The following REELD1 variants were observed in gnomAD, a reference collection of about 807,000 sequenced individuals.
REELD1 encodes reeler domain containing 1, also known as reelin domain-containing protein 1.
Under a neutral mutation model 6.3 loss-of-function variants are expected in REELD1, and 12 were observed. That is an observed-to-expected ratio of 1.89 (90% CI 1.21 to 3.07). REELD1 has a LOEUF of 3.07. REELD1 is among the 30% of genes most tolerant of loss of function. The pLI is 0.00. For missense variants in REELD1, 163 were observed against 86.8 expected, an observed-to-expected ratio of 1.88 and a Z score of -3.49; for synonymous variants, 57 against 33.6, an observed-to-expected ratio of 1.70 and a Z score of -2.42.
At chr4:146,215,581 A>C (rs1397392351) in intron 2 of REELD1, among the ~76,000 whole-genome samples, 6 of 150,894 alleles carry the variant, frequency 4.0e-5, no homozygotes, top group Non-Finnish European at 8.8e-5. Flanking sequence ...TATTGTTCTG[A>C]TAGCTAGTTT....
chr4:146,217,463 C>T (rs763263596), intron 3 of REELD1, among the ~76,000 whole-genome samples: 5 of 152,140 alleles, frequency 3.3e-5, no homozygotes, highest in Non-Finnish European at 2.9e-5. Flanking sequence ...AGTCTGGTCT[C>T]GAGCTCCTGG....
chr4:146,224,983 G>A (rs1410307049), intron 5 of REELD1, among the ~76,000 whole-genome samples: 3 of 152,194 alleles, frequency 2.0e-5, no homozygotes, highest in Admixed American at 2.0e-4. Flanking sequence ...TACGCAGGGA[G>A]CACAAAAAAG....
chr4:146,214,867 C>T (rs1407944501), intron 1 of REELD1, among the ~76,000 whole-genome samples, 173 bp downstream of exon 1: 1 of 151,838 alleles, frequency 6.6e-6, no homozygotes, highest in East Asian at 1.9e-4. Context: ...TTTCAGGGTT[C>T]AGGTAGACAA....
In REELD1 at chr4:146,228,205, C is replaced by T; in HGVS notation, c.596-5C>T. 1 of 700,620 alleles carries T rather than the reference C, an allele frequency of 1.4e-6. No individual in the cohort carries two copies. The highest frequency in any genetic ancestry group is 2.6e-6 in the Non-Finnish European group (1 of 383,864). The allele number at this position is 700,620 out of a possible 1,614,324, so 43.4% of individuals were successfully genotyped here. ...ACTCTGCGCTGTCTTTGGACCTCTG[C>T]TTAGCTCCCAGGACCCCCATCACTC... On this transcript the variant is annotated splice_region_variant and splice_polypyrimidine_tract_variant and intron_variant, in intron 5 of 7. Transcript: ENST00000623665.
chr4:146,222,171 C>T (rs1730935567), intron 3 of REELD1, among the ~76,000 whole-genome samples, 186 bp from the exon 4 acceptor site: 1 of 151,962 alleles, frequency 6.6e-6, no homozygotes, highest in Non-Finnish European at 1.5e-5. Flanking sequence ...ATTTCATTTT[C>T]GCATAACTTT....
chr4:146,231,742 A>G lies in REELD1; in HGVS notation c.*1229A>G, dbSNP rs1451356088. 6.6e-6 allele frequency: 1 copy of G among 152,204 alleles called. No homozygotes were observed. Among genetic ancestry groups the G allele is most frequent in the Non-Finnish European group, 1.5e-5 (1 of 68,036 alleles). The allele number at this position is 152,204 out of a possible 1,614,324, so 9.4% of individuals were successfully genotyped here. The stretch of plus-strand genomic sequence containing the variant: ...TGAGGAATAAGTTCAGTAGCTTTCC[A>G]AGGAGAATGAGGCTTTCCTTATACC... On this transcript the variant is annotated 3_prime_UTR_variant, in exon 8 of 8. Coordinates refer to ENST00000623665, the MANE Select transcript of REELD1 (RefSeq NM_001354631.1).
intron 7 of REELD1, among the ~76,000 whole-genome samples, chr4:146,229,527 C>T (rs1731088013): frequency 6.6e-6 from 1 of 152,134 alleles, no homozygotes; most frequent in Non-Finnish European, 1.5e-5. Flanking sequence ...TTCTCAGAAC[C>T]TACAGTGAGG....
At chr4:146,224,269 A>G (rs1209137998) in intron 4 of REELD1, among the ~76,000 whole-genome samples, 176 bp from the exon 5 acceptor site, 2 of 152,210 alleles carry the variant, frequency 1.3e-5, no homozygotes, top group Admixed American at 1.3e-4. Flanking sequence ...TTGTTTTTAA[A>G]AAGAATGAAG....
chr4:146,228,872 C>G (rs896882991), intron 6 of REELD1, among the ~76,000 whole-genome samples, 153 bp from the exon 7 acceptor site: 16 of 152,194 alleles, frequency 1.1e-4, no homozygotes, highest in Admixed American at 2.0e-4. Context: ...TCACTCATCT[C>G]TCCCCTTCCT....
chr4:146,228,874 C>G, intron 6 of REELD1, 151 bp from the exon 7 acceptor site: 1 of 586,476 alleles, frequency 1.7e-6, no homozygotes, highest in Admixed American at 2.7e-5. Context: ...ACTCATCTCT[C>G]CCCTTCCTCT....
At chr4:146,222,617 T>G in intron 4 of REELD1, 38 bp downstream of exon 4, 2 of 398,556 alleles carry the variant, frequency 5.0e-6, no homozygotes, top group Non-Finnish European at 8.8e-6. Flanking sequence ...AAACTGAGCC[T>G]TCTACTTTGG....
In REELD1 at chr4:146,227,673, T is replaced by G. The variant is rs1333892332; in HGVS notation, c.596-537T>G. On this transcript the variant is annotated intron_variant, in intron 5 of 7. Transcript: ENST00000623665. Reference sequence around the variant, plus strand: ...GCTTGCTTGCTGCTCCATGTGAAGCTCTTTCTCATGCTCTGGGCTGTCAGG... The same window carrying G: ...GCTTGCTTGCTGCTCCATGTGAAGCGCTTTCTCATGCTCTGGGCTGTCAGG... Among the ~76,000 whole-genome samples the G allele has an allele frequency of 2.0e-5, 3 of 152,216 alleles. No homozygotes were observed. In the East Asian group the frequency reaches 5.8e-4, roughly 29 times the overall value.
chr4:146,229,952 C>T lies in REELD1; in HGVS notation c.1020C>T (p.Ser340=). Reference sequence around the variant, plus strand: ...GGACCGTGACACAGCCTCCTCTGTCCACCGTCCAGCTTACCTATCCCCAGT... The same window carrying T: ...GGACCGTGACACAGCCTCCTCTGTCTACCGTCCAGCTTACCTATCCCCAGT... ...SNRTVTQPPL[S]TVQLTYPQCL... is the part of the protein sequence containing the mutation. The change falls in exon 8 of 8, where the codon TCC becomes TCT. Residue 340 remains serine, a synonymous_variant. Coordinates refer to ENST00000623665, the MANE Select transcript of REELD1 (RefSeq NM_001354631.1). 1 of 398,730 alleles carries T rather than the reference C, an allele frequency of 2.5e-6. No individual in the cohort carries two copies. Among genetic ancestry groups the T allele is most frequent in the Non-Finnish European group, 4.4e-6 (1 of 226,162 alleles). 24.7% of individuals were successfully genotyped at this position (398,730 alleles called of 1,614,324 possible). A position where few individuals can be genotyped will look rare whatever the true frequency, so the allele number is the denominator to read the frequency against.
chr4:146,220,732 T>C (rs917806932), intron 3 of REELD1, among the ~76,000 whole-genome samples: 2 of 152,216 alleles, frequency 1.3e-5, no homozygotes, highest in African/African-American at 4.8e-5. Flanking sequence ...TCTGGCCTCA[T>C]TGGCCAGAAT....
At chr4:146,218,813 C>T (rs115708316) in intron 3 of REELD1, among the ~76,000 whole-genome samples, 504 of 152,262 alleles carry the variant, frequency 3.3e-3, no homozygotes, top group Non-Finnish European at 5.3e-3. Flanking sequence ...ATGTCAGTAT[C>T]CTAGTGTTCT....
At chr4:146,219,345 A>C (rs950439398) in intron 3 of REELD1, among the ~76,000 whole-genome samples, 10 of 152,228 alleles carry the variant, frequency 6.6e-5, no homozygotes, top group Non-Finnish European at 1.5e-4. Context: ...ATTCAATGAG[A>C]GTCAGTTATT....
intron 2 of REELD1, among the ~76,000 whole-genome samples, chr4:146,215,883 T>A (rs893188490): frequency 6.6e-6 from 1 of 152,042 alleles, no homozygotes; most frequent in Non-Finnish European, 1.5e-5. Context: ...CCCGAGTAGC[T>A]GGGACTATAG....
chr4:146,215,650 C>CTTTT (rs1465971692), intron 2 of REELD1, among the ~76,000 whole-genome samples: 80 of 78,470 alleles, frequency 1.0e-3, no homozygotes, highest in African/African-American at 4.2e-3. Flanking sequence ...CAGGGGAGGG[C>CTTTT]ATTTTTTTTT....
At chr4:146,225,040 T>C (rs1409501244) in intron 5 of REELD1, among the ~76,000 whole-genome samples, 1 of 152,246 alleles carries the variant, frequency 6.6e-6, no homozygotes, top group African/African-American at 2.4e-5. Flanking sequence ...ATCCAGTTTT[T>C]ATTGTTACTT....
Sources: gnomAD v4.1 joint callset for allele counts (sites outside exome capture counted in the v4.1 genomes callset) on GRCh38, gnomAD v4.1.1 for gene constraint, MANE v1.5 for transcripts, NCBI Gene and HGNC (gene_info 2026-07-23, HGNC 2026-07-21) for gene names.